The following CAAP1 variants were observed in gnomAD, a reference collection of about 807,000 sequenced individuals.
CAAP1 encodes conserved anti-apoptotic protein.
A neutral mutation model predicts 34.0 loss-of-function variants in CAAP1; 20 were observed. The ratio of observed to expected loss-of-function variants is 0.59; its 90% CI spans 0.41 to 0.86. The LOEUF is 0.86. Ranked by LOEUF, CAAP1 falls within the 40% of genes least tolerant of loss-of-function variation. CAAP1 has a pLI of 0.00. For missense variants in CAAP1, 538 were observed against 450.5 expected (o/e 1.19, Z -1.76); for synonymous variants, 213 against 166.7 (o/e 1.28, Z -2.14).
At chr9:26,890,355 A>C (rs1357366673) in intron 1 of CAAP1, among the ~76,000 whole-genome samples, 1 of 151,578 alleles carries the variant, frequency 6.6e-6, no homozygotes, top group Non-Finnish European at 1.5e-5. Context: ...TGGGCGACAC[A>C]GTGAGAGCCT....
rs1171628621 is a variant in CAAP1, at chr9:26,847,198, A to ATTTTTTTTTTTTTTTTTTTTTTTTTT, written c.740-4577_740-4552dup. On this transcript the variant is annotated intron_variant, in intron 5 of 5. Coordinates refer to ENST00000333916, the MANE Select transcript of CAAP1 (RefSeq NM_024828.4). ...TTTTTACTAGTAAGTAAAAAGCAAT[A>ATTTTTTTTTTTTTTTTTTTTTTTTTT]TTTTTTTTTTTTTTTTTTTTTTTTT... 5.8e-5 allele frequency among the ~76,000 whole-genome samples: 2 copies of ATTTTTTTTTTTTTTTTTTTTTTTTTT among 34,750 alleles called. 1 individual carries two copies. The highest frequency in any genetic ancestry group is 1.0e-4 in the Non-Finnish European group (2 of 20,062). The allele number at this position is 34,750 out of a possible 152,430, so 22.8% of individuals were successfully genotyped here. A position where few individuals can be genotyped will look rare whatever the true frequency, so the allele number is the denominator to read the frequency against.
chr9:26,849,987 C>T (rs756621314), intron 5 of CAAP1, among the ~76,000 whole-genome samples: 25 of 151,966 alleles, frequency 1.6e-4, no homozygotes, highest in Non-Finnish European at 3.5e-4. Context: ...TACAGACACC[C>T]GCCACCAAAC....
chr9:26,842,116 CATTTATAAT>C lies in CAAP1; in HGVS notation c.*176_*184del, dbSNP rs1822494600. The stretch of plus-strand genomic sequence containing the variant: ...CATGAATTCATAAGACAGTAACACA[CATTTATAAT>C]ATAAAAGTAGTCAAAAAAATAAAAA... On this transcript the variant is annotated 3_prime_UTR_variant, in exon 6 of 6. Transcript: ENST00000333916. 3.8e-6 allele frequency: 2 copies of C among 530,016 alleles called. No homozygotes were observed. 32.8% of individuals were successfully genotyped at this position (530,016 alleles called of 1,614,324 possible). A position where few individuals can be genotyped will look rare whatever the true frequency, so the allele number is the denominator to read the frequency against.
chr9:26,853,281 G>A (rs1240317328), intron 5 of CAAP1, among the ~76,000 whole-genome samples: 1 of 152,146 alleles, frequency 6.6e-6, no homozygotes, highest in Non-Finnish European at 1.5e-5. Flanking sequence ...TTATTAAGAC[G>A]AGATGGATGG....
chr9:26,861,083 C>A lies in CAAP1; in HGVS notation c.722G>T (p.Gly241Val). 6.2e-7 allele frequency: 1 copy of A among 1,610,778 alleles called. No individual in the cohort carries two copies. The part of the protein sequence containing the change: ...SSVRENKQPE[G>V]LELKQGKGED... ...GTTCATACCTTGTTTTAATTCCAAACCTTCAGGTTGCTTATTCTCTCTCAC... is the reference window on the plus strand; with the variant it reads ...GTTCATACCTTGTTTTAATTCCAAAACTTCAGGTTGCTTATTCTCTCTCAC... The change falls in exon 5 of 6, where the codon GGT (glycine) becomes GTT (valine). Residue 241 changes from glycine to valine, a missense_variant. Around this residue, in one of 3 missense-constraint regions of CAAP1, gnomAD observed 514 missense variants for 408.4 expected, o/e 1.26. Coordinates refer to ENST00000333916, the MANE Select transcript of CAAP1 (RefSeq NM_024828.4).
intron 1 of CAAP1, among the ~76,000 whole-genome samples, chr9:26,891,592 C>T (rs757789287): frequency 3.3e-5 from 5 of 151,980 alleles, no homozygotes; most frequent in African/African-American, 7.3e-5. Flanking sequence ...AACCTGCACA[C>T]CCAAATATCA....
intron 5 of CAAP1, among the ~76,000 whole-genome samples, chr9:26,853,403 G>A (rs1822799988): frequency 6.6e-6 from 1 of 152,156 alleles, no homozygotes; most frequent in African/African-American, 2.4e-5. Flanking sequence ...ATGCTTATTG[G>A]ACATTTAATA....
chr9:26,887,211 C>A, intron 2 of CAAP1, 102 bp downstream of exon 2: 1 of 755,696 alleles, frequency 1.3e-6, no homozygotes, highest in Non-Finnish European at 2.0e-6. Flanking sequence ...GACTCCGTCT[C>A]AAAAAAACAA....
intron 4 of CAAP1, among the ~76,000 whole-genome samples, chr9:26,875,558 C>G (rs1395467635): frequency 6.6e-6 from 1 of 152,110 alleles, no homozygotes; most frequent in African/African-American, 2.4e-5. Flanking sequence ...TTTAAAAAAG[C>G]TGTATGTCTC....
chr9:26,844,421 G>C (rs565815861), intron 5 of CAAP1, among the ~76,000 whole-genome samples: 2 of 152,246 alleles, frequency 1.3e-5, no homozygotes, highest in East Asian at 1.9e-4. Flanking sequence ...TAGTGTCTCC[G>C]AGGCTTTACC....
chr9:26,863,978 T>C (rs112631472), intron 4 of CAAP1, among the ~76,000 whole-genome samples: 1,702 of 151,962 alleles, frequency 0.011, 33 homozygotes, highest in African/African-American at 0.039. Context: ...GTAAAGGTGG[T>C]ATTTTGCCCT....
intron 4 of CAAP1, among the ~76,000 whole-genome samples, chr9:26,869,455 T>A (rs1402044345): frequency 1.3e-5 from 2 of 152,162 alleles, no homozygotes; most frequent in Admixed American, 6.5e-5. Flanking sequence ...TCTACTCACA[T>A]AAACCATTGT....
intron 4 of CAAP1, among the ~76,000 whole-genome samples, chr9:26,883,158 C>T (rs147889711): frequency 7.9e-5 from 12 of 152,154 alleles, no homozygotes; most frequent in African/African-American, 2.6e-4. Flanking sequence ...ATTCGTTTTT[C>T]AAATGTGAGG....
intron 4 of CAAP1, among the ~76,000 whole-genome samples, chr9:26,882,459 T>A (rs184116810): frequency 6.6e-6 from 1 of 152,190 alleles, no homozygotes; most frequent in Non-Finnish European, 1.5e-5. Flanking sequence ...TCAAGAACTG[T>A]GCACCTGCAG....
intron 5 of CAAP1, among the ~76,000 whole-genome samples, chr9:26,849,968 A>G (rs1563878604): frequency 6.6e-6 from 1 of 151,798 alleles, no homozygotes; most frequent in East Asian, 1.9e-4. Flanking sequence ...CCTCGCGAGT[A>G]GCTGGGACTA....
intron 5 of CAAP1, among the ~76,000 whole-genome samples, chr9:26,849,045 G>A (rs1238756710): frequency 6.6e-6 from 1 of 152,188 alleles, no homozygotes; most frequent in Non-Finnish European, 1.5e-5. Flanking sequence ...GTACTTGGGT[G>A]CGGAGTTTGA....
intron 5 of CAAP1, among the ~76,000 whole-genome samples, chr9:26,856,763 T>C (rs1427504736): frequency 6.6e-6 from 1 of 152,220 alleles, no homozygotes; most frequent in Non-Finnish European, 1.5e-5. Flanking sequence ...TAATCACGCT[T>C]CCATTTAATA....
chr9:26,860,432 T>C (rs972168078), intron 5 of CAAP1, among the ~76,000 whole-genome samples: 1 of 152,190 alleles, frequency 6.6e-6, no homozygotes, highest in African/African-American at 2.4e-5. Flanking sequence ...TACTGGTTTT[T>C]TCCCACATAC....
intron 5 of CAAP1, among the ~76,000 whole-genome samples, chr9:26,849,965 A>G (rs1822706616): frequency 6.6e-6 from 1 of 151,978 alleles, no homozygotes; most frequent in South Asian, 2.1e-4. Context: ...CAGCCTCGCG[A>G]GTAGCTGGGA....
Sources: gnomAD v4.1 joint callset for allele counts (sites outside exome capture counted in the v4.1 genomes callset) on GRCh38, gnomAD v4.1.1 for gene constraint, gnomAD v4.1.1 regional missense constraint, MANE v1.5 for transcripts, NCBI Gene and HGNC (gene_info 2026-07-23, HGNC 2026-07-21) for gene names.